The following ERO1A variants were observed in gnomAD, a reference collection of about 807,000 sequenced individuals.
ERO1A encodes the protein endoplasmic reticulum oxidoreductase 1 alpha, also known as ERO1-like protein alpha.
A neutral mutation model predicts 76.9 loss-of-function variants in ERO1A; 49 were observed. That is an observed-to-expected ratio of 0.64 (90% confidence interval 0.51 to 0.81). The LOEUF is 0.81. Among genes scored for constraint, ERO1A ranks in the 30% least tolerant of loss-of-function variants. The pLI is 0.00. For synonymous variants in ERO1A, 174 were observed against 181.2 expected (o/e 0.96, Z 0.32); for missense variants, 448 against 542.1 (o/e 0.83, Z 1.72).
At chr14:52,659,149 T>C (rs765006527) in intron 9 of ERO1A, among the ~76,000 whole-genome samples, 1 of 152,028 alleles carries the variant, frequency 6.6e-6, no homozygotes, top group Non-Finnish European at 1.5e-5. Flanking sequence ...ATCCTAAATA[T>C]ATAAAAAGCT....
Position 52,642,784 on chromosome 14 carries a change from T to G in ERO1A, c.*786A>C, listed in dbSNP as rs1275939800. 2.0e-5 allele frequency: 3 copies of G among 152,562 alleles called. No individual in the cohort carries two copies. The highest frequency in any genetic ancestry group is 7.2e-5 in the African/African-American group (3 of 41,422). The allele number at this position is 152,562 out of a possible 1,614,324, so 9.5% of individuals were successfully genotyped here. On this transcript the variant is annotated 3_prime_UTR_variant, in exon 16 of 16. Coordinates refer to ENST00000395686, the MANE Select transcript of ERO1A (RefSeq NM_014584.3). ...AAAAATAAAAAGTGTTCCCCAAATT[T>G]TATTTAGTATTAGTGAAAGTATTAT...
At chr14:52,676,596 G>C (rs191232781) in intron 4 of ERO1A, among the ~76,000 whole-genome samples, 25 of 152,328 alleles carry the variant, frequency 1.6e-4, no homozygotes, top group African/African-American at 6.0e-4. Flanking sequence ...CTAGTATACT[G>C]TGCTTGAGAC....
rs1242925597 is a variant in ERO1A, at chr14:52,640,273, C to T, written c.*3297G>A. ...CGAAAGTGGAAGTTAGATGACTCTC[C>T]TTGAGTGGAGCAAAGGAGGTTTCAC... On this transcript the variant is annotated 3_prime_UTR_variant, in exon 16 of 16. Transcript: ENST00000395686. 2 of 152,192 alleles carry T rather than the reference C, an allele frequency of 1.3e-5. No individual in the cohort carries two copies. Among genetic ancestry groups the T allele is most frequent in the African/African-American group, 4.8e-5 (2 of 41,446 alleles). 9.4% of individuals were successfully genotyped at this position (152,192 alleles called of 1,614,324 possible). A position where few individuals can be genotyped will look rare whatever the true frequency, so the allele number is the denominator to read the frequency against.
At chr14:52,687,915 G>A (rs2041230475) in intron 1 of ERO1A, among the ~76,000 whole-genome samples, 1 of 152,166 alleles carries the variant, frequency 6.6e-6, no homozygotes, top group African/African-American at 2.4e-5. Flanking sequence ...TTCCAGCATG[G>A]TGGCTCACAC....
At chr14:52,651,164 A>G (rs2039853251) in intron 13 of ERO1A, among the ~76,000 whole-genome samples, 1 of 150,948 alleles carries the variant, frequency 6.6e-6, no homozygotes, top group African/African-American at 2.4e-5. Context: ...CTGTGGTCCC[A>G]GCTACTCAAG....
intron 8 of ERO1A, among the ~76,000 whole-genome samples, chr14:52,662,489 T>A (rs1297050289): frequency 6.6e-6 from 1 of 152,190 alleles, no homozygotes; most frequent in African/African-American, 2.4e-5. Context: ...ATTTTTAAAA[T>A]GAAAACCTTA....
intron 13 of ERO1A, among the ~76,000 whole-genome samples, chr14:52,648,380 C>T (rs910596908): frequency 2.6e-5 from 4 of 151,998 alleles, no homozygotes; most frequent in African/African-American, 4.8e-5. Context: ...GAAAGTTACC[C>T]TAAAGAACAT....
At chr14:52,677,294 G>A (rs2040817056) in intron 4 of ERO1A, among the ~76,000 whole-genome samples, 1 of 151,982 alleles carries the variant, frequency 6.6e-6, no homozygotes, top group African/African-American at 2.4e-5. Flanking sequence ...AAAAGAGAAA[G>A]GCAGAGATTA....
chr14:52,665,714 A>T (rs1055831432), intron 7 of ERO1A, among the ~76,000 whole-genome samples: 9 of 152,188 alleles, frequency 5.9e-5, no homozygotes, highest in African/African-American at 2.2e-4. Flanking sequence ...CCCAGTGATC[A>T]GCAACTGCCT....
chr14:52,677,295 G>A (rs184334630), intron 4 of ERO1A, among the ~76,000 whole-genome samples: 1 of 152,106 alleles, frequency 6.6e-6, no homozygotes, highest in African/African-American at 2.4e-5. Context: ...AAAGAGAAAG[G>A]CAGAGATTAT....
At chr14:52,649,033 C>T (rs1026766315) in intron 13 of ERO1A, among the ~76,000 whole-genome samples, 3 of 152,192 alleles carry the variant, frequency 2.0e-5, no homozygotes, top group Non-Finnish European at 4.4e-5. Context: ...TGTACAATAA[C>T]CTGAGTATAT....
At chr14:52,651,917 A>G (rs1861730573) in intron 13 of ERO1A, among the ~76,000 whole-genome samples, 1 of 151,458 alleles carries the variant, frequency 6.6e-6, no homozygotes, top group African/African-American at 2.4e-5. Flanking sequence ...CTTTGTACCC[A>G]TGGATCAACA....
intron 13 of ERO1A, among the ~76,000 whole-genome samples, chr14:52,649,800 G>A (rs920001583): frequency 2.0e-5 from 3 of 152,142 alleles, no homozygotes; most frequent in African/African-American, 7.2e-5. Flanking sequence ...TCAAGTAGGA[G>A]GTAGATGGGA....
chr14:52,671,118 T>C (rs1054453721), intron 6 of ERO1A, among the ~76,000 whole-genome samples: 1 of 152,266 alleles, frequency 6.6e-6, no homozygotes, highest in Non-Finnish European at 1.5e-5. Flanking sequence ...GTGCCTGACC[T>C]ATTTCACTTA....
chr14:52,653,170 C>T lies in ERO1A; in HGVS notation c.954G>A (p.Val318=). Residue 318 remains valine (V), a synonymous_variant, in exon 12 of 16, where the codon GTG becomes GTA. Transcript: ENST00000395686. ...AATCTGGGCGCTCGAAGAATGGTAA[C>T]ACTTTGGATAAAGCCCTTAGTTCTA... is the stretch of plus-strand genomic sequence containing the variant. ...YLIELRALSK[V]LPFFERPDFQ... is the part of the protein sequence containing the mutation. 7.4e-6 allele frequency: 12 copies of T among 1,613,590 alleles called. No homozygotes were observed. Among genetic ancestry groups the T allele is most frequent in the Non-Finnish European group, 9.3e-6 (11 of 1,179,758 alleles).
chr14:52,656,215 C>A (rs1004002791), intron 11 of ERO1A, among the ~76,000 whole-genome samples: 16 of 152,100 alleles, frequency 1.1e-4, no homozygotes, highest in Non-Finnish European at 2.1e-4. Flanking sequence ...TTTTTAGAAT[C>A]CCTTTGTAAG....
In ERO1A at chr14:52,672,609, A is replaced by G. The variant is rs188861174; in HGVS notation, c.358-738T>C. ...TACAGCAAGACCCCATCTCTACAAAAAAAAATTTTAATTAGCTGGACATGG... is the reference window on the plus strand; with the variant it reads ...TACAGCAAGACCCCATCTCTACAAAGAAAAATTTTAATTAGCTGGACATGG... On this transcript the variant is annotated intron_variant, in intron 4 of 15. Transcript: ENST00000395686. 3.5e-3 allele frequency among the ~76,000 whole-genome samples: 539 copies of G among 152,056 alleles called. 4 individuals are homozygous for G. The highest frequency in any genetic ancestry group is 0.015 in the Admixed American group (222 of 15,266).
chr14:52,679,529 C>A (rs962954936), intron 3 of ERO1A, among the ~76,000 whole-genome samples: 7 of 151,668 alleles, frequency 4.6e-5, no homozygotes, highest in Non-Finnish European at 1.5e-5. Context: ...TCTTGTACCT[C>A]AGCCTCCCGA....
chr14:52,686,564 A>C (rs1293966552), intron 1 of ERO1A, among the ~76,000 whole-genome samples: 1 of 147,326 alleles, frequency 6.8e-6, no homozygotes, highest in African/African-American at 2.6e-5. Flanking sequence ...AGGCAGGATA[A>C]ATGGTAGATT....
Sources: allele counts gnomAD v4.1 joint callset (sites outside exome capture counted in the v4.1 genomes callset), GRCh38; gene constraint gnomAD v4.1.1; transcripts MANE v1.5; gene names NCBI Gene and HGNC (gene_info 2026-07-23, HGNC 2026-07-21).